EIF3E: variants seen among roughly 807,000 people sequenced by gnomAD.
EIF3E encodes eIF-3 p48.
In EIF3E, 25 loss-of-function variants were observed where a neutral mutation model predicts 59.3. That is an observed-to-expected ratio of 0.42 (90% CI 0.31 to 0.59). The LOEUF is 0.59. Ranked by LOEUF, EIF3E falls within the 20% of genes least tolerant of loss-of-function variation. The pLI, the probability that EIF3E is intolerant of heterozygous loss-of-function variation, is 0.15. For synonymous variants in EIF3E, 176 were observed against 170.2 expected, an observed-to-expected ratio of 1.03 and a Z score of -0.26; for missense variants, 317 against 534.3, an observed-to-expected ratio of 0.59 and a Z score of 4.01.
intron 9 of EIF3E, among the ~76,000 whole-genome samples, chr8:108,215,445 T>C (rs185761072): frequency 1.4e-4 from 22 of 151,990 alleles, no homozygotes; most frequent in Non-Finnish European, 2.8e-4. Flanking sequence ...GGTGAAACCC[T>C]GTCTCTACTA....
At chr8:108,237,038 T>TA (rs1326053450) in intron 3 of EIF3E, among the ~76,000 whole-genome samples, 2 of 151,900 alleles carry the variant, frequency 1.3e-5, no homozygotes, top group African/African-American at 4.8e-5. Context: ...AAATAATAAA[T>TA]AAAAATTTAA....
chr8:108,218,000 G>C (rs1457613224), intron 7 of EIF3E, among the ~76,000 whole-genome samples: 1 of 152,166 alleles, frequency 6.6e-6, no homozygotes, highest in African/African-American at 2.4e-5. Flanking sequence ...AACATTAACA[G>C]GGTCTTGGCT....
rs546265422 is a variant in EIF3E at position 108,211,395 on chromosome 8, C to A, written c.1061+3212G>T. ...TGTCTGTTGGCTGCATAAATGTCTT[C>A]TTTTCAGAAGTATCTGTTCATATCC... On this transcript the variant is annotated intron_variant, in intron 10 of 12. Coordinates refer to ENST00000220849, the MANE Select transcript of EIF3E (RefSeq NM_001568.3). 1.4e-4 allele frequency among the ~76,000 whole-genome samples: 21 copies of A among 152,282 alleles called. No individual in the cohort carries two copies. In the East Asian group the frequency reaches 3.9e-3, roughly 28 times the overall value.
chr8:108,207,579 T>A (rs911207005), intron 10 of EIF3E, among the ~76,000 whole-genome samples: 3 of 152,148 alleles, frequency 2.0e-5, no homozygotes, highest in African/African-American at 7.2e-5. Flanking sequence ...TCTAGTCCAA[T>A]CCAGATTTTA....
chr8:108,229,275 C>T (rs1271611485), intron 5 of EIF3E, 80 bp from the exon 6 acceptor site: 1 of 1,389,776 alleles, frequency 7.2e-7, no homozygotes, highest in African/African-American at 1.5e-5. Context: ...CCCATGTATC[C>T]CTCTAGCCTA....
intron 5 of EIF3E, chr8:108,233,267 ACGG>A (rs1030504730): frequency 6.6e-6 from 1 of 152,178 alleles, no homozygotes; most frequent in African/African-American, 2.4e-5. Context: ...TCTTTAAAGG[ACGG>A]TGGAGTTTCA....
chr8:108,222,764 T>C (rs1815441483), intron 7 of EIF3E, among the ~76,000 whole-genome samples: 1 of 152,126 alleles, frequency 6.6e-6, no homozygotes, highest in South Asian at 2.1e-4. Flanking sequence ...ATGTTACTCG[T>C]TTGAATTCTA....
intron 7 of EIF3E, 33 bp from the exon 8 acceptor site, chr8:108,217,493 T>C (rs1377265576): frequency 3.2e-6 from 5 of 1,548,688 alleles, no homozygotes; most frequent in Non-Finnish European, 2.6e-6. Flanking sequence ...TTTAATAACT[T>C]ACCCAGGGTG....
chr8:108,245,834 T>C (rs192440672), intron 1 of EIF3E, among the ~76,000 whole-genome samples: 3 of 152,318 alleles, frequency 2.0e-5, no homozygotes, highest in Admixed American at 6.5e-5. Flanking sequence ...AAGCTTCTGC[T>C]CTCATGAAGC....
intron 7 of EIF3E, among the ~76,000 whole-genome samples, chr8:108,224,798 TAAAC>T (rs935861619): frequency 2.6e-5 from 4 of 151,594 alleles, no homozygotes; most frequent in African/African-American, 7.3e-5. Context: ...TACTAAACTA[TAAAC>T]AAACAAATTC....
intron 9 of EIF3E, 117 bp from the exon 10 acceptor site, chr8:108,214,833 GCA>G: frequency 1.2e-6 from 1 of 823,838 alleles, no homozygotes; most frequent in Non-Finnish European, 1.9e-6. Flanking sequence ...TTATACCACA[GCA>G]CTTTCTAGAA....
chr8:108,217,846 T>A (rs911856249), intron 7 of EIF3E, among the ~76,000 whole-genome samples: 2 of 152,184 alleles, frequency 1.3e-5, no homozygotes, highest in African/African-American at 4.8e-5. Context: ...TGCAAAGCAC[T>A]CATACTAATG....
At chr8:108,247,603 C>G (rs527426331) in intron 1 of EIF3E, among the ~76,000 whole-genome samples, 9 of 152,274 alleles carry the variant, frequency 5.9e-5, no homozygotes, top group Non-Finnish European at 8.8e-5. Context: ...AACACCTGGA[C>G]GCTGGTTTTT....
At chr8:108,220,266 A>C (rs1815385292) in intron 7 of EIF3E, among the ~76,000 whole-genome samples, 1 of 152,246 alleles carries the variant, frequency 6.6e-6, no homozygotes, top group Non-Finnish European at 1.5e-5. Flanking sequence ...GTACAATTCT[A>C]TTATTTTGGT....
At chr8:108,237,860 A>G (rs1815763530) in intron 3 of EIF3E, among the ~76,000 whole-genome samples, 1 of 152,326 alleles carries the variant, frequency 6.6e-6, no homozygotes, top group East Asian at 1.9e-4. Flanking sequence ...TAAGTACGAT[A>G]CTATATATTC....
At chr8:108,235,187 C>T in intron 4 of EIF3E, 85 bp from the exon 5 acceptor site, 1 of 740,980 alleles carries the variant, frequency 1.3e-6, no homozygotes, top group Non-Finnish European at 2.1e-6. Flanking sequence ...GAGGTCAAAA[C>T]TATGAATGTT....
At chr8:108,239,890 G>C (rs1158415691) in intron 3 of EIF3E, 68 bp downstream of exon 3, 14 of 1,247,684 alleles carry the variant, frequency 1.1e-5, no homozygotes, top group Non-Finnish European at 1.6e-5. Flanking sequence ...ACTGGATAAA[G>C]TTTGAATTAA....
chr8:108,205,708 C>T (rs951980321), intron 10 of EIF3E, among the ~76,000 whole-genome samples: 7 of 152,152 alleles, frequency 4.6e-5, no homozygotes, highest in African/African-American at 1.2e-4. Flanking sequence ...ATACGCTACC[C>T]GCCCATCAGT....
intron 7 of EIF3E, among the ~76,000 whole-genome samples, chr8:108,225,013 TA>T (rs1188644180): frequency 6.6e-6 from 1 of 151,560 alleles, no homozygotes; most frequent in Non-Finnish European, 1.5e-5. Flanking sequence ...GACTAAATGG[TA>T]AGTATTCATA....
Sources: allele counts gnomAD v4.1 joint callset (sites outside exome capture counted in the v4.1 genomes callset), GRCh38; gene constraint gnomAD v4.1.1; transcripts MANE v1.5; gene names NCBI Gene and HGNC (gene_info 2026-07-23, HGNC 2026-07-21).